DLGAP1: variants seen among roughly 807,000 people sequenced by gnomAD.
DLGAP1 encodes the protein disks large-associated protein 1.
DLGAP1 carries 11 observed loss-of-function variants against 90.8 expected under a neutral mutation model. That is an observed-to-expected ratio of 0.12 (90% CI 0.08 to 0.20). DLGAP1 has a LOEUF of 0.20. Ranked by LOEUF, DLGAP1 falls within the 10% of genes least tolerant of loss-of-function variation. DLGAP1 has a pLI of 1.00. For synonymous variants in DLGAP1, 558 were observed against 540.7 expected, an observed-to-expected ratio of 1.03 and a Z score of -0.44; for missense variants, 1,050 against 1,333.8, an observed-to-expected ratio of 0.79 and a Z score of 3.31.
intron 3 of DLGAP1, among the ~76,000 whole-genome samples, chr18:3,993,966 A>G (rs1284163823): frequency 1.3e-5 from 2 of 152,166 alleles, no homozygotes; most frequent in African/African-American, 4.8e-5. Context: ...CTTTCCCTCC[A>G]CTGTTGTTTT....
intron 4 of DLGAP1, among the ~76,000 whole-genome samples, chr18:3,831,543 G>T (rs1202094015): frequency 6.6e-6 from 1 of 152,146 alleles, no homozygotes. Context: ...TCTGAATACA[G>T]TACTCAGTTT....
chr18:3,671,184 CTT>C (rs11311056), intron 7 of DLGAP1, among the ~76,000 whole-genome samples: 38,157 of 143,362 alleles, frequency 0.27, 5,469 homozygotes, highest in African/African-American at 0.39. Context: ...CTCTTTGCTG[CTT>C]TTTTTTTTTT....
intron 7 of DLGAP1, among the ~76,000 whole-genome samples, chr18:3,622,195 C>G (rs2058119960): frequency 6.6e-6 from 1 of 151,926 alleles, no homozygotes; most frequent in Non-Finnish European, 1.5e-5. Context: ...AGCTCCGCCT[C>G]CCAGGTTCAT....
chr18:3,910,483 G>A (rs896952557), intron 3 of DLGAP1, among the ~76,000 whole-genome samples: 1 of 152,148 alleles, frequency 6.6e-6, no homozygotes, highest in Non-Finnish European at 1.5e-5. Context: ...ATTAAAGCCT[G>A]CTGCTTCCTA....
At chr18:3,523,312 G>T (rs1449164403) in intron 10 of DLGAP1, among the ~76,000 whole-genome samples, 1 of 151,716 alleles carries the variant, frequency 6.6e-6, no homozygotes, top group Non-Finnish European at 1.5e-5. Context: ...GGGAGGCAGA[G>T]TTTGCAGTGA....
At chr18:3,799,363 G>A (rs2066174180) in intron 5 of DLGAP1, among the ~76,000 whole-genome samples, 1 of 152,136 alleles carries the variant, frequency 6.6e-6, no homozygotes, top group Non-Finnish European at 1.5e-5. Context: ...GAAGAGGAGT[G>A]TGGCTAAGGC....
chr18:3,900,351 C>T (rs1047603915), intron 3 of DLGAP1, among the ~76,000 whole-genome samples: 1 of 152,230 alleles, frequency 6.6e-6, no homozygotes, highest in African/African-American at 2.4e-5. Flanking sequence ...CCAACTATCT[C>T]TCCACTTTCC....
intron 9 of DLGAP1, among the ~76,000 whole-genome samples, chr18:3,546,377 T>C (rs529314078): frequency 1.4e-5 from 2 of 147,814 alleles, no homozygotes; most frequent in Admixed American, 1.4e-4. Flanking sequence ...ATAGAGCCAC[T>C]GCACTCCAGC....
At chr18:3,840,127 G>C (rs1292916476) in intron 4 of DLGAP1, among the ~76,000 whole-genome samples, 1 of 152,140 alleles carries the variant, frequency 6.6e-6, no homozygotes, top group Non-Finnish European at 1.5e-5. Flanking sequence ...ATTTAACCCT[G>C]TAATATCATC....
At chr18:4,062,235 T>C (rs1192075824) in intron 2 of DLGAP1, among the ~76,000 whole-genome samples, 3 of 152,160 alleles carry the variant, frequency 2.0e-5, no homozygotes, top group Non-Finnish European at 4.4e-5. Flanking sequence ...GCAGTAAGAA[T>C]CTGTTTTCTT....
At chr18:3,930,922 G>T (rs951406919) in intron 3 of DLGAP1, among the ~76,000 whole-genome samples, 1 of 152,156 alleles carries the variant, frequency 6.6e-6, no homozygotes, top group African/African-American at 2.4e-5. Context: ...CCATGGTTAC[G>T]CAAAAGCTGG....
intron 2 of DLGAP1, among the ~76,000 whole-genome samples, chr18:4,142,256 A>T (rs9956278): frequency 0.26 from 39,781 of 152,112 alleles, 6,378 homozygotes; most frequent in African/African-American, 0.45. Flanking sequence ...TCATCCAAAA[A>T]TAACATTTAT....
intron 3 of DLGAP1, among the ~76,000 whole-genome samples, chr18:3,906,584 T>C (rs2071912292): frequency 3.3e-5 from 5 of 152,150 alleles, no homozygotes. Context: ...ATTTAAATGT[T>C]ACAAAAAGTG....
intron 1 of DLGAP1, among the ~76,000 whole-genome samples, chr18:4,247,240 C>T (rs935243006): frequency 2.6e-5 from 4 of 152,048 alleles, no homozygotes; most frequent in South Asian, 4.2e-4. Flanking sequence ...GTATTTTTCA[C>T]GTATTAAGTC....
chr18:3,896,509 G>C (rs577250985), intron 3 of DLGAP1: 2 of 152,222 alleles, frequency 1.3e-5, no homozygotes, highest in Non-Finnish European at 2.9e-5. Flanking sequence ...TGTTTAAGAA[G>C]CTAACCAGCA....
intron 1 of DLGAP1, among the ~76,000 whole-genome samples, chr18:4,405,506 T>A (rs563754973): frequency 1.8e-3 from 266 of 151,990 alleles, no homozygotes; most frequent in Non-Finnish European, 2.8e-3. Flanking sequence ...TTTTTCAAAG[T>A]GCCATTTTTT....
At chr18:3,908,534 T>G (rs1447745010) in intron 3 of DLGAP1, among the ~76,000 whole-genome samples, 3 of 152,156 alleles carry the variant, frequency 2.0e-5, no homozygotes, top group African/African-American at 7.2e-5. Flanking sequence ...AATGTTCTCT[T>G]GATGATTCTG....
At chr18:4,401,248 T>C (rs17436003) in intron 1 of DLGAP1, among the ~76,000 whole-genome samples, 1,529 of 152,308 alleles carry the variant, frequency 0.01, 15 homozygotes, top group Middle Eastern at 0.048. Context: ...GTTCTACAAT[T>C]TTTCAGTTAA....
rs1441369370 is a variant in DLGAP1 at position 3,987,017 on chromosome 18, T to C, written c.-73+18099A>G. Among the ~76,000 whole-genome samples, 3 of 152,196 alleles carry C rather than the reference T, an allele frequency of 2.0e-5. No homozygotes were observed. The East Asian group carries it at 5.8e-4, about 29-fold the overall frequency. ...TTTGATTGGACACTGGTTTAATAAC[T>C]TGACTATCACCCTGCAAATAGCGCT... On this transcript the variant is annotated intron_variant, in intron 3 of 12. Transcript: ENST00000315677.
Sources: gnomAD v4.1 joint callset for allele counts (sites outside exome capture counted in the v4.1 genomes callset) on GRCh38, gnomAD v4.1.1 for gene constraint, MANE v1.5 for transcripts, NCBI Gene and HGNC (gene_info 2026-07-23, HGNC 2026-07-21) for gene names.